TRPC4: variants seen among roughly 807,000 people sequenced by gnomAD.
TRPC4 encodes the protein short transient receptor potential channel 4.
A neutral mutation model predicts 99.4 loss-of-function variants in TRPC4; 49 were observed. That is an observed-to-expected ratio of 0.49 (90% confidence interval 0.39 to 0.63). The LOEUF is 0.63. Among genes scored for constraint, TRPC4 ranks in the 20% least tolerant of loss-of-function variants. The pLI is 0.00. For synonymous variants in TRPC4, 454 were observed against 425.9 expected (o/e 1.07, Z -0.81); for missense variants, 898 against 1,152.9 (o/e 0.78, Z 3.20).
At position 37,783,201 on chromosome 13, in the gene TRPC4, A is replaced by G. The variant is rs748279322; in HGVS notation, c.133T>C (p.Tyr45His). The G allele has an allele frequency of 1.2e-6, 2 of 1,613,700 alleles. No individual in the cohort carries two copies. The highest frequency in any genetic ancestry group is 1.1e-5 in the South Asian group (1 of 91,076). Residue 45 changes from tyrosine (Y) to histidine (H), a missense_variant, in exon 2 of 11, where the codon TAT (tyrosine) becomes CAT (histidine). Physicochemically the swap from Tyr to His is moderately conservative, Grantham distance 83. Coordinates refer to ENST00000379705, the MANE Select transcript of TRPC4 (RefSeq NM_016179.4). The stretch of plus-strand genomic sequence containing the variant: ...TCTAGGGATTTCTTGACACTGGCAT[A>G]ATCTCCCTTTTCCACAGCATTCAAG... ...AYLNAVEKGD[Y>H]ASVKKSLEEA...
chr13:37,687,654 T>C (rs1297040961), intron 4 of TRPC4, among the ~76,000 whole-genome samples: 1 of 152,212 alleles, frequency 6.6e-6, no homozygotes, highest in Non-Finnish European at 1.5e-5. Flanking sequence ...ATTCTATTCA[T>C]TGCATATTCC....
intron 8 of TRPC4, among the ~76,000 whole-genome samples, chr13:37,649,305 T>C (rs775944918): frequency 6.6e-6 from 1 of 152,144 alleles, no homozygotes; most frequent in East Asian, 1.9e-4. Context: ...ACATAACATA[T>C]CTGTTTTTAT....
intron 1 of TRPC4, among the ~76,000 whole-genome samples, chr13:37,850,775 A>T (rs577261085): frequency 6.6e-6 from 1 of 152,300 alleles, no homozygotes; most frequent in African/African-American, 2.4e-5. Context: ...AGAGTTGCAG[A>T]GCTAGCTAGG....
chr13:37,714,130 T>C (rs1954582120), intron 3 of TRPC4, among the ~76,000 whole-genome samples: 2 of 151,780 alleles, frequency 1.3e-5, no homozygotes, highest in Non-Finnish European at 2.9e-5. Context: ...CTCTCTTTCC[T>C]TTCTTTTCTC....
At chr13:37,847,865 C>T (rs1413004) in intron 1 of TRPC4, among the ~76,000 whole-genome samples, 39,294 of 151,772 alleles carry the variant, frequency 0.26, 5,646 homozygotes, top group Middle Eastern at 0.34. Flanking sequence ...ATGATGGTTA[C>T]CAGAGGATAA....
chr13:37,685,481 T>A (rs1249112348), intron 4 of TRPC4, among the ~76,000 whole-genome samples: 2 of 152,178 alleles, frequency 1.3e-5, no homozygotes, highest in Non-Finnish European at 2.9e-5. Flanking sequence ...ACTGTGAAGT[T>A]CGAACAAAAG....
In TRPC4 at chr13:37,789,653, C is replaced by G. The variant is rs370830585; in HGVS notation, c.-27-6293G>C. Among the ~76,000 whole-genome samples the G allele has an allele frequency of 5.3e-5, 8 of 151,530 alleles. No homozygotes were observed. In the South Asian group the frequency reaches 1.7e-3, roughly 32 times the overall value. On this transcript the variant is annotated intron_variant, in intron 1 of 10. Transcript: ENST00000379705. ...GCAATTCCAGTCAATAGCTGTTAAG[C>G]TATCAAATCACCTGTGCAAAATACT...
At chr13:37,827,366 C>A (rs1449633861) in intron 1 of TRPC4, among the ~76,000 whole-genome samples, 1 of 152,134 alleles carries the variant, frequency 6.6e-6, no homozygotes, top group African/African-American at 2.4e-5. Context: ...TTAGAGTTTC[C>A]AGTTTTTCTG....
intron 1 of TRPC4, among the ~76,000 whole-genome samples, chr13:37,826,638 G>T (rs919670742): frequency 6.6e-6 from 1 of 152,058 alleles, no homozygotes; most frequent in Non-Finnish European, 1.5e-5. Context: ...TCTGCCAAGA[G>T]ATCCGCTGTT....
chr13:37,774,148 A>G (rs1265949641), intron 2 of TRPC4, among the ~76,000 whole-genome samples: 1 of 151,672 alleles, frequency 6.6e-6, no homozygotes, highest in Non-Finnish European at 1.5e-5. Flanking sequence ...GTATTAGGCA[A>G]AGTTAAGCCC....
At chr13:37,819,611 G>A (rs923446198) in intron 1 of TRPC4, among the ~76,000 whole-genome samples, 1 of 151,920 alleles carries the variant, frequency 6.6e-6, no homozygotes, top group African/African-American at 2.4e-5. Context: ...ATAAGTGGGA[G>A]CCAAATGATA....
At chr13:37,657,661 A>C (rs1593449631) in intron 6 of TRPC4, among the ~76,000 whole-genome samples, 2 of 152,298 alleles carry the variant, frequency 1.3e-5, no homozygotes, top group East Asian at 3.9e-4. Flanking sequence ...ACCCCATTAC[A>C]GGTTCTTTTT....
chr13:37,769,372 T>C (rs1956483359), intron 2 of TRPC4, among the ~76,000 whole-genome samples: 1 of 151,378 alleles, frequency 6.6e-6, no homozygotes, highest in South Asian at 2.1e-4. Context: ...TTGACAATAC[T>C]GAATTTCAAT....
At chr13:37,774,505 A>G (rs1956646792) in intron 2 of TRPC4, among the ~76,000 whole-genome samples, 1 of 151,732 alleles carries the variant, frequency 6.6e-6, no homozygotes, top group Non-Finnish European at 1.5e-5. Flanking sequence ...TTATTTATTT[A>G]TTTTTTAAAC....
intron 3 of TRPC4, among the ~76,000 whole-genome samples, chr13:37,734,839 C>T (rs543417362): frequency 5.8e-4 from 88 of 151,622 alleles, no homozygotes; most frequent in Middle Eastern, 3.4e-3. Context: ...ATTTTTTTTT[C>T]CAGCAAGCAT....
chr13:37,632,515 T>A lies in TRPC4; in HGVS notation c.*4388A>T, dbSNP rs9576324. ...GTATAGGAGCTACGTTACTGAACAG[T>A]GCAGCTCTAGAGGAAATTAACGGTT... On this transcript the variant is annotated 3_prime_UTR_variant, in exon 11 of 11. Coordinates refer to ENST00000379705, the MANE Select transcript of TRPC4 (RefSeq NM_016179.4). Among the ~76,000 whole-genome samples the A allele has an allele frequency of 0.29, 44,387 of 151,860 alleles. 6,923 individuals are homozygous for A. The highest frequency in any genetic ancestry group is 0.35 in the Non-Finnish European group (23,936 of 67,870).
At chr13:37,649,188 G>T (rs933737189) in intron 8 of TRPC4, among the ~76,000 whole-genome samples, 2 of 152,072 alleles carry the variant, frequency 1.3e-5, no homozygotes, top group African/African-American at 4.8e-5. Flanking sequence ...GCTGAAGTCT[G>T]GCTTCCTTGA....
intron 4 of TRPC4, among the ~76,000 whole-genome samples, chr13:37,678,616 T>C (rs1053787210): frequency 1.3e-5 from 2 of 152,096 alleles, no homozygotes; most frequent in African/African-American, 4.8e-5. Context: ...GTAGTTAATA[T>C]CCTTCCAACA....
chr13:37,634,806 A>C lies in TRPC4; in HGVS notation c.*2097T>G, dbSNP rs538915680. The stretch of plus-strand genomic sequence containing the variant: ...TACTGTAGGTATGATTTAGAAAAAA[A>C]TGAGTATTTCAGTAGCCCCAGGATT... On this transcript the variant is annotated 3_prime_UTR_variant, in exon 11 of 11. Coordinates refer to ENST00000379705, the MANE Select transcript of TRPC4 (RefSeq NM_016179.4). Among the ~76,000 whole-genome samples the C allele has an allele frequency of 6.6e-6, 1 of 152,222 alleles. No homozygotes were observed. Among genetic ancestry groups the C allele is most frequent in the Non-Finnish European group, 1.5e-5 (1 of 67,972 alleles).
Sources: gnomAD v4.1 joint callset for allele counts (sites outside exome capture counted in the v4.1 genomes callset) on GRCh38, gnomAD v4.1.1 for gene constraint, MANE v1.5 for transcripts, NCBI Gene and HGNC (gene_info 2026-07-23, HGNC 2026-07-21) for gene names.